Variants in CAMK1D observed in about 807,000 individuals in gnomAD.
CAMK1D encodes calcium/calmodulin dependent protein kinase ID.
Under a neutral mutation model 47.7 loss-of-function variants are expected in CAMK1D, and 9 were observed. That is an observed-to-expected ratio of 0.19 (90% CI 0.11 to 0.33). The LOEUF (loss-of-function observed/expected upper bound fraction) is 0.33, where lower values mean the gene tolerates loss of function less well. Ranked by LOEUF, CAMK1D falls within the 10% of genes least tolerant of loss-of-function variation. CAMK1D has a pLI of 1.00. For missense variants in CAMK1D, 291 were observed against 488.7 expected, an observed-to-expected ratio of 0.60 and a Z score of 3.81; for synonymous variants, 184 against 184.9, an observed-to-expected ratio of 0.99 and a Z score of 0.04.
At chr10:12,465,436 G>A (rs1833562093) in intron 1 of CAMK1D, among the ~76,000 whole-genome samples, 1 of 151,278 alleles carries the variant, frequency 6.6e-6, no homozygotes, top group African/African-American at 2.4e-5. Flanking sequence ...CTCACTGCAA[G>A]CTCTGCCTGC....
chr10:12,700,448 T>A (rs936996778), intron 3 of CAMK1D, among the ~76,000 whole-genome samples: 1 of 152,150 alleles, frequency 6.6e-6, no homozygotes, highest in East Asian at 1.9e-4. Flanking sequence ...ACCGCCCCCA[T>A]GATTCAACTA....
intron 1 of CAMK1D, among the ~76,000 whole-genome samples, chr10:12,521,319 G>A (rs547887096): frequency 6.6e-6 from 1 of 152,064 alleles, no homozygotes; most frequent in Non-Finnish European, 1.5e-5. Flanking sequence ...TTTTATTTCA[G>A]TTAATTCAAG....
intron 1 of CAMK1D, among the ~76,000 whole-genome samples, chr10:12,505,360 C>A (rs1303482368): frequency 1.3e-5 from 2 of 152,150 alleles, no homozygotes; most frequent in Non-Finnish European, 2.9e-5. Context: ...CTGCAAAACT[C>A]AGTGTTGGAT....
chr10:12,555,909 G>A (rs1227729104), intron 2 of CAMK1D, among the ~76,000 whole-genome samples: 1 of 152,190 alleles, frequency 6.6e-6, no homozygotes, highest in Non-Finnish European at 1.5e-5. Flanking sequence ...TGTTGATGCC[G>A]TGGATGGTCT....
intron 1 of CAMK1D, among the ~76,000 whole-genome samples, chr10:12,493,124 C>A (rs1834436549): frequency 6.6e-6 from 1 of 152,172 alleles, no homozygotes; most frequent in Non-Finnish European, 1.5e-5. Context: ...CTTTTCATGA[C>A]ACGGTTTCTA....
chr10:12,442,480 C>G (rs373695852), intron 1 of CAMK1D, among the ~76,000 whole-genome samples: 1 of 152,184 alleles, frequency 6.6e-6, no homozygotes, highest in Non-Finnish European at 1.5e-5. Flanking sequence ...GGCTGTGTCT[C>G]AAAAACAAGC....
chr10:12,514,945 G>T (rs1835145744), intron 1 of CAMK1D, among the ~76,000 whole-genome samples: 1 of 152,158 alleles, frequency 6.6e-6, no homozygotes, highest in South Asian at 2.1e-4. Context: ...CTGCCTCCTG[G>T]GTTCAAGTGA....
At chr10:12,573,295 GA>G (rs1473221018) in intron 2 of CAMK1D, among the ~76,000 whole-genome samples, 1 of 152,242 alleles carries the variant, frequency 6.6e-6, no homozygotes, top group African/African-American at 2.4e-5. Flanking sequence ...GTGGGTGTCA[GA>G]TGTGGAGCGG....
intron 3 of CAMK1D, among the ~76,000 whole-genome samples, chr10:12,677,467 C>T (rs1023826403): frequency 3.3e-5 from 5 of 152,062 alleles, no homozygotes; most frequent in Admixed American, 6.6e-5. Context: ...AAGACACAAT[C>T]GATGCTCCTC....
At chr10:12,670,153 G>A (rs1021192454) in intron 3 of CAMK1D, among the ~76,000 whole-genome samples, 5 of 132,972 alleles carry the variant, frequency 3.8e-5, no homozygotes, top group East Asian at 4.4e-4. Context: ...TTTGGCCAGC[G>A]GTATGTGTCA....
intron 1 of CAMK1D, among the ~76,000 whole-genome samples, chr10:12,421,511 CTTTTTTTTTTTTTTTTTTT>C (rs71384322): frequency 5.9e-5 from 3 of 50,732 alleles, no homozygotes; most frequent in African/African-American, 1.7e-4. Context: ...ATCCAGGATT[CTTTTTTTTTTTTTTTTTTT>C]TTTTTTTTTT....
intron 3 of CAMK1D, among the ~76,000 whole-genome samples, chr10:12,686,566 C>T (rs1235184847): frequency 6.6e-6 from 1 of 152,144 alleles, no homozygotes; most frequent in Non-Finnish European, 1.5e-5. Context: ...TCAAATGATC[C>T]ACCCACCTCG....
intron 1 of CAMK1D, among the ~76,000 whole-genome samples, chr10:12,515,770 CGGCTAATTTTTTTT>C (rs554195270): frequency 6.6e-6 from 1 of 151,794 alleles, no homozygotes; most frequent in Admixed American, 6.6e-5. Context: ...CCACAGCACC[CGGCTAATTTTTTTT>C]GTATTTTTAG....
In CAMK1D at chr10:12,824,563, A is replaced by G; in HGVS notation, c.921+11A>G. ...AAGAGCAAATGGAGAGTAAGTGTGG[A>G]GTATATGAAATTCCCCGTGGATTAA... On this transcript the variant is annotated intron_variant, in intron 9 of 10. Transcript: ENST00000619168. 1.9e-6 allele frequency: 3 copies of G among 1,608,984 alleles called. No homozygotes were observed. Among genetic ancestry groups the G allele is most frequent in the Non-Finnish European group, 2.6e-6 (3 of 1,175,544 alleles).
chr10:12,668,141 A>C (rs1353224945), intron 3 of CAMK1D, among the ~76,000 whole-genome samples: 1 of 152,158 alleles, frequency 6.6e-6, no homozygotes, highest in African/African-American at 2.4e-5. Context: ...TTTTTCCTAG[A>C]GAGAGCTAGT....
intron 1 of CAMK1D, among the ~76,000 whole-genome samples, chr10:12,400,966 A>C (rs1289091583): frequency 7.0e-6 from 1 of 143,194 alleles, no homozygotes; most frequent in Non-Finnish European, 1.5e-5. Context: ...AAACCAGAAA[A>C]ACAAACAAAA....
intron 2 of CAMK1D, among the ~76,000 whole-genome samples, chr10:12,641,585 T>C (rs530335367): frequency 5.9e-5 from 9 of 151,620 alleles, no homozygotes; most frequent in Admixed American, 1.3e-4. Context: ...CACCACTGCA[T>C]TCCAGCCTGG....
chr10:12,681,593 T>A (rs372506819), intron 3 of CAMK1D, among the ~76,000 whole-genome samples: 1 of 152,270 alleles, frequency 6.6e-6, no homozygotes, highest in Non-Finnish European at 1.5e-5. Flanking sequence ...TGGTCCTAGT[T>A]AGATGTTCTT....
At chr10:12,547,044 A>G (rs893141571) in intron 1 of CAMK1D, among the ~76,000 whole-genome samples, 2 of 152,198 alleles carry the variant, frequency 1.3e-5, no homozygotes, top group East Asian at 1.9e-4. Flanking sequence ...TGAGATTTCC[A>G]TGTAGAGGAT....
Sources: allele counts gnomAD v4.1 joint callset (sites outside exome capture counted in the v4.1 genomes callset), GRCh38; gene constraint gnomAD v4.1.1; transcripts MANE v1.5; gene names NCBI Gene and HGNC (gene_info 2026-07-23, HGNC 2026-07-21).